The following CADM2 variants were observed in gnomAD, a reference collection of about 807,000 sequenced individuals.
CADM2 encodes the protein immunoglobulin superfamily member 4D.
CADM2 carries 12 observed loss-of-function variants against 49.8 expected under a neutral mutation model. The ratio of observed to expected loss-of-function variants is 0.24; its 90% confidence interval spans 0.15 to 0.39. The LOEUF is 0.39. CADM2 is among the 10% of genes least tolerant of loss of function. CADM2 has a pLI of 1.00. For missense variants in CADM2, 378 were observed against 492.3 expected, an observed-to-expected ratio of 0.77 and a Z score of 2.20; for synonymous variants, 214 against 175.4, an observed-to-expected ratio of 1.22 and a Z score of -1.74.
intron 8 of CADM2, among the ~76,000 whole-genome samples, chr3:85,984,570 A>G (rs895884201): frequency 1.3e-5 from 2 of 151,856 alleles, no homozygotes; most frequent in African/African-American, 4.8e-5. Context: ...TTTCTAAGCT[A>G]ACAATTGATA....
At chr3:85,672,742 A>C (rs1176806262) in intron 1 of CADM2, among the ~76,000 whole-genome samples, 1 of 152,188 alleles carries the variant, frequency 6.6e-6, no homozygotes, top group Non-Finnish European at 1.5e-5. Context: ...ATAGTTATAA[A>C]ATACCTCTAC....
At chr3:85,433,097 G>T (rs1044756303) in intron 1 of CADM2, among the ~76,000 whole-genome samples, 1 of 151,506 alleles carries the variant, frequency 6.6e-6, no homozygotes, top group Non-Finnish European at 1.5e-5. Flanking sequence ...GGCAAATTTA[G>T]ATCATGGGTT....
chr3:85,488,233 A>G (rs558879499), intron 1 of CADM2, among the ~76,000 whole-genome samples: 9 of 152,334 alleles, frequency 5.9e-5, no homozygotes, highest in African/African-American at 1.9e-4. Flanking sequence ...AGGTGAGGGA[A>G]AGAAGTCCAC....
chr3:85,492,197 T>C (rs942342356), intron 1 of CADM2, among the ~76,000 whole-genome samples: 2 of 152,216 alleles, frequency 1.3e-5, no homozygotes, highest in African/African-American at 4.8e-5. Context: ...AATCCTGAGT[T>C]ATTTAACTTA....
chr3:85,413,824 T>C (rs540069566), intron 1 of CADM2, among the ~76,000 whole-genome samples: 1 of 152,260 alleles, frequency 6.6e-6, no homozygotes, highest in African/African-American at 2.4e-5. Flanking sequence ...CACAATACTG[T>C]GTCTCACAGC....
chr3:85,240,551 T>G (rs2042508422), intron 1 of CADM2, among the ~76,000 whole-genome samples: 1 of 151,480 alleles, frequency 6.6e-6, no homozygotes, highest in Non-Finnish European at 1.5e-5. Context: ...AATGAATGGT[T>G]TGAGGATAGA....
At chr3:85,598,990 AT>A (rs2063325106) in intron 1 of CADM2, among the ~76,000 whole-genome samples, 1 of 151,928 alleles carries the variant, frequency 6.6e-6, no homozygotes, top group Non-Finnish European at 1.5e-5. Context: ...CCTTTTACTA[AT>A]CAAATCATTT....
chr3:85,335,061 A>G (rs1034580147), intron 1 of CADM2, among the ~76,000 whole-genome samples: 2 of 151,554 alleles, frequency 1.3e-5, no homozygotes, highest in Non-Finnish European at 3.0e-5. Context: ...CTAAAAAAAA[A>G]GATACTAAGT....
intron 1 of CADM2, among the ~76,000 whole-genome samples, chr3:85,332,564 G>A (rs547202797): frequency 1.3e-5 from 2 of 151,940 alleles, no homozygotes; most frequent in East Asian, 3.9e-4. Context: ...TATAATTTTA[G>A]GTCAGTTGTT....
At chr3:85,280,905 A>G (rs925898210) in intron 1 of CADM2, among the ~76,000 whole-genome samples, 1 of 151,940 alleles carries the variant, frequency 6.6e-6, no homozygotes, top group Non-Finnish European at 1.5e-5. Context: ...CACTCCATAT[A>G]AAAACCATTA....
At chr3:85,570,212 T>A (rs2062435005) in intron 1 of CADM2, among the ~76,000 whole-genome samples, 1 of 152,186 alleles carries the variant, frequency 6.6e-6, no homozygotes, top group South Asian at 2.1e-4. Flanking sequence ...TCTGCCTGTC[T>A]ACCTACTATC....
intron 1 of CADM2, among the ~76,000 whole-genome samples, chr3:85,117,216 G>A (rs1182567222): frequency 6.7e-6 from 1 of 149,352 alleles, no homozygotes; most frequent in East Asian, 1.9e-4. Context: ...GCAAGACTCA[G>A]TCTCAAAAAA....
At chr3:85,331,020 A>T (rs2107149841) in intron 1 of CADM2, among the ~76,000 whole-genome samples, 1 of 152,238 alleles carries the variant, frequency 6.6e-6, no homozygotes, top group African/African-American at 2.4e-5. Context: ...ATAGCTGTGC[A>T]TATTTATGGG....
chr3:85,844,645 C>T (rs879351716), intron 3 of CADM2, among the ~76,000 whole-genome samples: 1 of 152,080 alleles, frequency 6.6e-6, no homozygotes, highest in Non-Finnish European at 1.5e-5. Context: ...ATAAAATAAC[C>T]ATATTTGAAA....
At chr3:85,582,831 T>C (rs1658988088) in intron 1 of CADM2, among the ~76,000 whole-genome samples, 3 of 152,124 alleles carry the variant, frequency 2.0e-5, no homozygotes, top group Admixed American at 2.0e-4. Flanking sequence ...AGGAATCTAA[T>C]AGAGTGAATG....
chr3:85,001,641 G>A (rs905940548), intron 1 of CADM2, among the ~76,000 whole-genome samples: 1 of 151,888 alleles, frequency 6.6e-6, no homozygotes, highest in Admixed American at 6.6e-5. Context: ...TTATAGAAAC[G>A]TTTTAAAGAT....
At chr3:85,879,528 C>G (rs1188609960) in intron 3 of CADM2, among the ~76,000 whole-genome samples, 1 of 152,082 alleles carries the variant, frequency 6.6e-6, no homozygotes, top group Non-Finnish European at 1.5e-5. Context: ...TCACAAAGCA[C>G]ATAGGGAAGG....
chr3:85,385,774 TA>T, intron 1 of CADM2: 1 of 145,936 alleles, frequency 6.9e-6, no homozygotes, highest in East Asian at 2.1e-4. Context: ...CAAACACCTG[TA>T]AAACAGCAAA....
At chr3:85,755,754 C>A (rs2069086741) in intron 2 of CADM2, among the ~76,000 whole-genome samples, 1 of 152,036 alleles carries the variant, frequency 6.6e-6, no homozygotes, top group South Asian at 2.1e-4. Context: ...AACTCACTAT[C>A]ATGAAAACAG....
Sources: gnomAD v4.1 joint callset for allele counts (sites outside exome capture counted in the v4.1 genomes callset) on GRCh38, gnomAD v4.1.1 for gene constraint, MANE v1.5 for transcripts, NCBI Gene and HGNC (gene_info 2026-07-23, HGNC 2026-07-21) for gene names.